The following FSTL4 variants were observed in gnomAD, a reference collection of about 807,000 sequenced individuals.
The protein encoded by FSTL4 is follistatin-related protein 4.
Under a neutral mutation model 78.2 loss-of-function variants are expected in FSTL4, and 28 were observed. That is an observed-to-expected ratio of 0.36 (90% CI 0.27 to 0.49). FSTL4 has a LOEUF of 0.49. Among genes scored for constraint, FSTL4 ranks in the 20% least tolerant of loss-of-function variants. FSTL4 has a pLI of 0.98. For missense variants in FSTL4, 922 were observed against 1,084.9 expected (o/e 0.85, Z 2.11); for synonymous variants, 422 against 440.5 (o/e 0.96, Z 0.53).
chr5:133,406,923 T>C (rs252417), intron 3 of FSTL4, among the ~76,000 whole-genome samples: 2,784 of 152,336 alleles, frequency 0.018, 38 homozygotes, highest in Middle Eastern at 0.088. Context: ...TGGTAGAGCC[T>C]AGCTTTGAAT....
At position 133,234,561 on chromosome 5, in the gene FSTL4, C is replaced by G. The variant is rs994560219; in HGVS notation, c.895-1024G>C. ...AGGAATTGGAATTACCCGTTTTCTA[C>G]AGAGAGCCCTCATCAGGTTGGGCCT... is the stretch of plus-strand genomic sequence containing the variant. On this transcript the variant is annotated intron_variant, in intron 7 of 15. Transcript: ENST00000265342. 3.3e-5 allele frequency among the ~76,000 whole-genome samples: 5 copies of G among 152,354 alleles called. No homozygotes were observed. The East Asian group carries it at 7.7e-4, about 23-fold the overall frequency.
At chr5:133,487,574 G>T (rs1038300260) in intron 3 of FSTL4, among the ~76,000 whole-genome samples, 1 of 152,180 alleles carries the variant, frequency 6.6e-6, no homozygotes, top group African/African-American at 2.4e-5. Flanking sequence ...CCATAGGGTT[G>T]TTGCCAGTGT....
the FSTL4 span, among the ~76,000 whole-genome samples, chr5:133,801,641 C>A: frequency 1.3e-5 from 2 of 152,280 alleles, no homozygotes; most frequent in Non-Finnish European, 2.9e-5. Context: ...CCCCGCCCCA[C>A]TGCCAGCCAG....
At chr5:133,466,532 A>C (rs1353830280) in intron 3 of FSTL4, among the ~76,000 whole-genome samples, 2 of 149,020 alleles carry the variant, frequency 1.3e-5, no homozygotes, top group Non-Finnish European at 3.0e-5. Flanking sequence ...AAAGAGCGAG[A>C]CTCTGTCTCA....
chr5:133,470,941 T>C (rs1757815142), intron 3 of FSTL4, among the ~76,000 whole-genome samples: 1 of 152,060 alleles, frequency 6.6e-6, no homozygotes, highest in Non-Finnish European at 1.5e-5. Flanking sequence ...CAGAAAATAT[T>C]GATACAGGAG....
chr5:133,456,226 C>T (rs1245381416), intron 3 of FSTL4, among the ~76,000 whole-genome samples: 1 of 152,236 alleles, frequency 6.6e-6, no homozygotes, highest in African/African-American at 2.4e-5. Flanking sequence ...CTGACTCACA[C>T]ATGCACATAC....
chr5:133,441,594 AGT>A, intron 3 of FSTL4, among the ~76,000 whole-genome samples: 1 of 152,286 alleles, frequency 6.6e-6, no homozygotes, highest in Non-Finnish European at 1.5e-5. Flanking sequence ...GAGGCAAGCA[AGT>A]GATAGACAGG....
chr5:133,837,663 A>C, the FSTL4 span, among the ~76,000 whole-genome samples: 2 of 152,094 alleles, frequency 1.3e-5, no homozygotes, highest in Non-Finnish European at 1.5e-5. Flanking sequence ...ATAAATTTCA[A>C]CTCAAAGTTG....
chr5:133,314,781 C>T (rs1279768239), intron 5 of FSTL4, among the ~76,000 whole-genome samples: 2 of 152,096 alleles, frequency 1.3e-5, no homozygotes, highest in Non-Finnish European at 2.9e-5. Flanking sequence ...CCCCTCCTTA[C>T]AGCAGAGGAT....
At chr5:133,702,299 G>A in the FSTL4 span, among the ~76,000 whole-genome samples, 6 of 152,284 alleles carry the variant, frequency 3.9e-5, no homozygotes, top group Admixed American at 3.9e-4. Flanking sequence ...CTCAGAGTGA[G>A]CAGAGTCCCA....
the FSTL4 span, among the ~76,000 whole-genome samples, chr5:133,736,406 T>A: frequency 6.6e-6 from 1 of 152,136 alleles, no homozygotes; most frequent in Non-Finnish European, 1.5e-5. Flanking sequence ...TTCCCCTAAC[T>A]TTTCCTGGAA....
At chr5:133,312,855 A>T in intron 5 of FSTL4, 78 bp from the exon 6 acceptor site, 1 of 1,472,858 alleles carries the variant, frequency 6.8e-7, no homozygotes, top group Non-Finnish European at 9.4e-7. Context: ...GACTCAGGCC[A>T]AGAGGGAATC....
At chr5:133,649,469 C>A in the FSTL4 span, among the ~76,000 whole-genome samples, 1 of 152,192 alleles carries the variant, frequency 6.6e-6, no homozygotes, top group Admixed American at 6.5e-5. Context: ...GCCAAAGTGG[C>A]TGTACCATTT....
At chr5:133,628,558 C>T in the FSTL4 span, among the ~76,000 whole-genome samples, 1 of 151,970 alleles carries the variant, frequency 6.6e-6, no homozygotes, top group Non-Finnish European at 1.5e-5. Flanking sequence ...CAGAGTTTCT[C>T]CATTTTGGTC....
intron 6 of FSTL4, among the ~76,000 whole-genome samples, chr5:133,303,238 G>C (rs1753586948): frequency 6.6e-6 from 1 of 152,198 alleles, no homozygotes. Context: ...CTGGCCTCTG[G>C]GCTAGAAGAG....
At chr5:133,385,445 T>A (rs965687370) in intron 4 of FSTL4, among the ~76,000 whole-genome samples, 3 of 152,282 alleles carry the variant, frequency 2.0e-5, no homozygotes, top group Non-Finnish European at 2.9e-5. Flanking sequence ...AGAAGCTCTA[T>A]CCCTGATCAC....
chr5:133,568,354 A>G lies in FSTL4; in HGVS notation c.127-1135T>C, dbSNP rs567790757. 5.3e-5 allele frequency among the ~76,000 whole-genome samples: 8 copies of G among 152,364 alleles called. No individual in the cohort carries two copies. In the East Asian group the frequency reaches 1.5e-3, roughly 29 times the overall value. ...GACTACCACCTCAACACCGCAGCCA[A>G]GAAGGTAATTCAGCAACAGTGCTTT... On this transcript the variant is annotated intron_variant, in intron 2 of 15. Coordinates refer to ENST00000265342, the MANE Select transcript of FSTL4 (RefSeq NM_015082.2).
the FSTL4 span, among the ~76,000 whole-genome samples, chr5:133,674,600 T>A: frequency 2.0e-5 from 3 of 149,344 alleles, no homozygotes; most frequent in East Asian, 5.8e-4. Context: ...TGTGTGTGTG[T>A]GTGTGTGTGT....
At chr5:133,312,803 C>T in intron 5 of FSTL4, 26 bp from the exon 6 acceptor site, 1 of 1,612,862 alleles carries the variant, frequency 6.2e-7, no homozygotes, top group Non-Finnish European at 8.5e-7. Context: ...GAGAACAAGG[C>T]CAGAATCAGA....
Sources: gnomAD v4.1 joint callset for allele counts (sites outside exome capture counted in the v4.1 genomes callset) on GRCh38, gnomAD v4.1.1 for gene constraint, MANE v1.5 for transcripts, NCBI Gene and HGNC (gene_info 2026-07-23, HGNC 2026-07-21) for gene names.